NBEAL1: variants seen among roughly 807,000 people sequenced by gnomAD.
The protein encoded by NBEAL1 is neurobeachin-like protein 1.
A neutral mutation model predicts 351.3 loss-of-function variants in NBEAL1; 273 were observed. The observed-to-expected ratio is 0.78, with a 90% confidence interval of 0.70 to 0.86. The LOEUF (loss-of-function observed/expected upper bound fraction) is 0.86. NBEAL1 is among the 40% of genes least tolerant of loss of function. The probability of loss-of-function intolerance (pLI) is 0.00; values close to 1 mark genes in which losing one functional copy is unlikely to be tolerated. For missense variants in NBEAL1, 2,961 were observed against 3,201.3 expected (o/e 0.92, Z 1.81); for synonymous variants, 1,050 against 1,086.4 (o/e 0.97, Z 0.66).
At chr2:203,109,969 T>C (rs540586902) in intron 14 of NBEAL1, among the ~76,000 whole-genome samples, 181 bp from the exon 15 acceptor site, 9 of 152,306 alleles carry the variant, frequency 5.9e-5, no homozygotes, top group Middle Eastern at 3.4e-3. Context: ...TAAACTCTTA[T>C]GACCAAAATG....
intron 33 of NBEAL1, among the ~76,000 whole-genome samples, chr2:203,147,597 T>C (rs1271040253): frequency 6.6e-6 from 1 of 152,094 alleles, no homozygotes; most frequent in Non-Finnish European, 1.5e-5. Flanking sequence ...AAGGTGTATA[T>C]ATTTGGTTAA....
intron 2 of NBEAL1, among the ~76,000 whole-genome samples, chr2:203,035,093 A>G (rs925527474): frequency 6.7e-6 from 1 of 149,254 alleles, no homozygotes; most frequent in African/African-American, 2.4e-5. Context: ...CTGAAGAACT[A>G]GGGGAAATTG....
Position 203,166,200 on chromosome 2 carries a change from C to T in NBEAL1, c.5766C>T (p.Asp1922=). The T allele has an allele frequency of 6.2e-7, 1 of 1,609,614 alleles. No homozygotes were observed. ...DQKEKLVLME[D]CELITIIDVI... is the part of the protein sequence containing the mutation. Reference sequence around the variant, plus strand: ...AAGAAAAATTGGTATTGATGGAAGACTGTGAACTCATTACAATAATTGATG... The same window carrying T: ...AAGAAAAATTGGTATTGATGGAAGATTGTGAACTCATTACAATAATTGATG... Residue 1922 remains aspartate, a synonymous_variant, in exon 37 of 56, where the codon GAC becomes GAT. Coordinates refer to ENST00000683969, the MANE Select transcript of NBEAL1 (RefSeq NM_001378026.1).
Position 203,113,314 on chromosome 2 carries a change from A to G in NBEAL1, c.2502A>G (p.Leu834=). 2 of 1,394,848 alleles carry G rather than the reference A, an allele frequency of 1.4e-6. No homozygotes were observed. The highest frequency in any genetic ancestry group is 1.9e-6 in the Non-Finnish European group (2 of 1,071,166). 86.4% of individuals were successfully genotyped at this position (1,394,848 alleles called of 1,614,324 possible). ...CTCCTCAGGTGAAGGCATTATATTT[A>G]GCAGGTAAGCATGTACAGTCATAAT... ...LQPPQVKALY[L]AGPNCLSPWK... Residue 834 remains leucine, a synonymous_variant, in exon 17 of 56, where the codon TTA becomes TTG. Coordinates refer to ENST00000683969, the MANE Select transcript of NBEAL1 (RefSeq NM_001378026.1).
chr2:203,203,317 T>TA (rs397726202), intron 51 of NBEAL1, among the ~76,000 whole-genome samples: 4 of 151,156 alleles, frequency 2.6e-5, no homozygotes, highest in African/African-American at 4.9e-5. Flanking sequence ...ATTTTTTTTT[T>TA]ATTGTATTTT....
chr2:203,107,576 A>G, intron 13 of NBEAL1, 32 bp from the exon 14 acceptor site: 1 of 1,545,848 alleles, frequency 6.5e-7, no homozygotes, highest in Non-Finnish European at 8.7e-7. Flanking sequence ...GAAAATGATA[A>G]CTAACCTTTT....
intron 2 of NBEAL1, among the ~76,000 whole-genome samples, chr2:203,020,953 C>T (rs899348740): frequency 6.6e-6 from 1 of 152,132 alleles, no homozygotes; most frequent in African/African-American, 2.4e-5. Context: ...CGGAGTCTCA[C>T]TCTGTGGCCC....
intron 46 of NBEAL1, among the ~76,000 whole-genome samples, chr2:203,192,533 C>A (rs1467061350): frequency 1.3e-5 from 2 of 151,382 alleles, no homozygotes; most frequent in Admixed American, 1.3e-4. Flanking sequence ...TACAGAGGCC[C>A]GCCACCACAC....
At chr2:203,184,939 T>C (rs1337655941) in intron 44 of NBEAL1, among the ~76,000 whole-genome samples, 1 of 151,842 alleles carries the variant, frequency 6.6e-6, no homozygotes, top group Non-Finnish European at 1.5e-5. Context: ...AATGATGAAT[T>C]GCAGTCTGAT....
intron 2 of NBEAL1, among the ~76,000 whole-genome samples, chr2:203,036,456 T>C (rs544313279): frequency 4.7e-5 from 7 of 149,376 alleles, no homozygotes; most frequent in African/African-American, 1.7e-4. Flanking sequence ...ATATTGGATT[T>C]GTGTGTTCTT....
chr2:203,016,319 G>T lies in NBEAL1; in HGVS notation c.-66G>T. The stretch of plus-strand genomic sequence containing the variant: ...GGCTGAAAAACTTGGAAAATAAAAT[G>T]GACATGCTGTAGTCTTGAACATAAT... On this transcript the variant is annotated 5_prime_UTR_variant, in exon 2 of 56. The change abolishes an upstream ATG in the 5' untranslated region. Transcript: ENST00000683969. 2.6e-6 allele frequency: 3 copies of T among 1,137,954 alleles called. No individual in the cohort carries two copies. Among genetic ancestry groups the T allele is most frequent in the South Asian group, 1.8e-5 (1 of 57,088 alleles). The allele number at this position is 1,137,954 out of a possible 1,614,324, so 70.5% of individuals were successfully genotyped here.
At chr2:203,142,413 C>T (rs1042216341) in intron 31 of NBEAL1, among the ~76,000 whole-genome samples, 13 of 152,168 alleles carry the variant, frequency 8.5e-5, no homozygotes, top group Admixed American at 6.5e-5. Flanking sequence ...GCCTCAGCCT[C>T]CCAAAGTGCT....
chr2:203,144,608 A>G lies in NBEAL1; in HGVS notation c.4857A>G (p.Ala1619=), dbSNP rs1247372506. 5 of 1,610,022 alleles carry G rather than the reference A, an allele frequency of 3.1e-6. No individual in the cohort carries two copies. The highest frequency in any genetic ancestry group is 1.3e-5 in the African/African-American group (1 of 74,784). ...AAACTGTTTTCCTCCAGGTTTGTGC[A>G]ATGGCATCAGCTAAGCTAAATACCC... ...FIGRGNLQVC[A]MASAKLNTLL... The change falls in exon 32 of 56, where the codon GCA becomes GCG. Residue 1619 remains alanine, a synonymous_variant. Transcript: ENST00000683969.
chr2:203,068,954 TCCTGACCTCAGGTGAACCA>T (rs938811149), intron 7 of NBEAL1, among the ~76,000 whole-genome samples: 2 of 152,136 alleles, frequency 1.3e-5, no homozygotes, highest in Non-Finnish European at 2.9e-5. Flanking sequence ...GGTCTTGAAC[TCCTGACCTCAGGTGAACCA>T]CCCACCTCAG....
intron 38 of NBEAL1, among the ~76,000 whole-genome samples, chr2:203,169,407 A>AC (rs1449927343): frequency 5.3e-5 from 8 of 150,850 alleles, no homozygotes; most frequent in Non-Finnish European, 7.4e-5. Context: ...AAAAAAAAAA[A>AC]AAAACCACTG....
intron 10 of NBEAL1, among the ~76,000 whole-genome samples, chr2:203,094,559 T>A (rs1257418898): frequency 6.6e-6 from 1 of 152,218 alleles, no homozygotes. Context: ...TGGCGGCTGC[T>A]GTTTTCATGC....
At chr2:203,168,744 A>G (rs1238894645) in intron 38 of NBEAL1, among the ~76,000 whole-genome samples, 1 of 151,782 alleles carries the variant, frequency 6.6e-6, no homozygotes, top group African/African-American at 2.4e-5. Flanking sequence ...AAATACAGAA[A>G]TTAGCTGGGC....
At chr2:203,155,120 C>T (rs1192541876) in intron 35 of NBEAL1, among the ~76,000 whole-genome samples, 1 of 150,836 alleles carries the variant, frequency 6.6e-6, no homozygotes, top group Non-Finnish European at 1.5e-5. Flanking sequence ...CAGTCATGTG[C>T]GCCCATGATC....
chr2:203,099,718 A>C lies in NBEAL1; in HGVS notation c.1269+6A>C. The C allele has an allele frequency of 6.6e-7, 1 of 1,523,188 alleles. No individual in the cohort carries two copies. The allele number at this position is 1,523,188 out of a possible 1,614,324, so 94.4% of individuals were successfully genotyped here. ...ACAAATCTCCAGCTGCTAAGGTGAA[A>C]CATATATCCTCCAGCTTTTTTTTTT... On this transcript the variant is annotated splice_donor_region_variant and intron_variant, in intron 12 of 55. Coordinates refer to ENST00000683969, the MANE Select transcript of NBEAL1 (RefSeq NM_001378026.1).
Sources: allele counts gnomAD v4.1 joint callset (sites outside exome capture counted in the v4.1 genomes callset), GRCh38; gene constraint gnomAD v4.1.1; transcripts MANE v1.5; gene names NCBI Gene and HGNC (gene_info 2026-07-23, HGNC 2026-07-21).